The following UBE3D variants were observed in gnomAD, a reference collection of about 807,000 sequenced individuals.
UBE3D encodes E3 ubiquitin-protein ligase E3D.
In UBE3D, 48 loss-of-function variants were observed where a neutral mutation model predicts 49.6. The ratio of observed to expected loss-of-function variants is 0.97; its 90% CI spans 0.77 to 1.23. The LOEUF is 1.23. UBE3D is among the 50% of genes most tolerant of loss of function. The pLI is 0.00. For missense variants in UBE3D, 452 were observed against 468.4 expected, an observed-to-expected ratio of 0.96 and a Z score of 0.32; for synonymous variants, 189 against 174.2, an observed-to-expected ratio of 1.08 and a Z score of -0.67.
chr6:82,895,966 C>T (rs1389013271), intron 9 of UBE3D, among the ~76,000 whole-genome samples: 1 of 152,100 alleles, frequency 6.6e-6, no homozygotes, highest in Non-Finnish European at 1.5e-5. Context: ...GCAAAATGGA[C>T]CTTCCCAATG....
intron 9 of UBE3D, among the ~76,000 whole-genome samples, chr6:82,921,143 T>C (rs1773306176): frequency 6.6e-6 from 1 of 152,014 alleles, no homozygotes; most frequent in South Asian, 2.1e-4. Flanking sequence ...TTTAGTAGAC[T>C]GGGTTTTGGC....
At chr6:83,023,772 T>C (rs936891686) in intron 6 of UBE3D, among the ~76,000 whole-genome samples, 197 bp downstream of exon 6, 3 of 152,132 alleles carry the variant, frequency 2.0e-5, no homozygotes, top group Admixed American at 6.6e-5. Context: ...AGACTACACT[T>C]GAGTACAGTG....
intron 9 of UBE3D, among the ~76,000 whole-genome samples, chr6:82,941,885 T>C (rs1775042825): frequency 6.6e-6 from 1 of 152,168 alleles, no homozygotes; most frequent in Non-Finnish European, 1.5e-5. Context: ...GTTAATTAAA[T>C]CTCTTTATAA....
rs149037005 is a variant in UBE3D, at chr6:82,973,438, G to A, written c.1011-15988C>T. ...TCCTCCCCGAAGAGCACCTTGAGTT[G>A]AAGAGAAAAATGTTTGCTAAATTTT... On this transcript the variant is annotated intron_variant, in intron 8 of 9. Coordinates refer to ENST00000369747, the MANE Select transcript of UBE3D (RefSeq NM_198920.3). 1.2e-3 allele frequency among the ~76,000 whole-genome samples: 180 copies of A among 152,264 alleles called. 1 individual carries two copies. The highest frequency in any genetic ancestry group is 4.2e-3 in the African/African-American group (174 of 41,554).
At chr6:83,030,952 G>A (rs1050718773) in intron 5 of UBE3D, among the ~76,000 whole-genome samples, 4 of 152,172 alleles carry the variant, frequency 2.6e-5, no homozygotes, top group Admixed American at 6.5e-5. Context: ...CCCTGCCCTA[G>A]ATATCTGTGG....
Position 82,963,147 on chromosome 6 carries a change from A to ACTACAGGTAACTTTC in UBE3D, c.1011-5712_1011-5698dup, listed in dbSNP as rs531268993. ...AAATTAGTTGTTTAGGAGAGTAAGA[A>ACTACAGGTAACTTTC]CTACAGGTAACTTTCCCTTAAAACT... On this transcript the variant is annotated intron_variant, in intron 8 of 9. Coordinates refer to ENST00000369747, the MANE Select transcript of UBE3D (RefSeq NM_198920.3). Among the ~76,000 whole-genome samples the ACTACAGGTAACTTTC allele has an allele frequency of 2.1e-3, 321 of 152,190 alleles. 2 individuals carry two copies. Among genetic ancestry groups the ACTACAGGTAACTTTC allele is most frequent in the African/African-American group, 7.1e-3 (296 of 41,550 alleles).
At chr6:82,988,178 G>A (rs1026741180) in intron 8 of UBE3D, among the ~76,000 whole-genome samples, 1 of 152,140 alleles carries the variant, frequency 6.6e-6, no homozygotes, top group Non-Finnish European at 1.5e-5. Flanking sequence ...CCATATTTCA[G>A]ACACGTTTCT....
intron 6 of UBE3D, 53 bp downstream of exon 6, chr6:83,023,916 G>A (rs1781274028): frequency 1.6e-6 from 2 of 1,240,032 alleles, no homozygotes; most frequent in African/African-American, 3.1e-5. Flanking sequence ...ATAAAGGTCT[G>A]AATGGGGAAA....
At chr6:82,981,929 T>G (rs955311277) in intron 8 of UBE3D, among the ~76,000 whole-genome samples, 1 of 152,152 alleles carries the variant, frequency 6.6e-6, no homozygotes, top group South Asian at 2.1e-4. Flanking sequence ...GCTGCAGGAA[T>G]GTCATATTAA....
intron 8 of UBE3D, among the ~76,000 whole-genome samples, chr6:82,960,042 C>A (rs1462901362): frequency 6.6e-6 from 1 of 152,138 alleles, no homozygotes; most frequent in Non-Finnish European, 1.5e-5. Context: ...TTCAGTGTCT[C>A]TTCTGTATGC....
intron 9 of UBE3D, among the ~76,000 whole-genome samples, chr6:82,951,650 G>A (rs1425995813): frequency 6.6e-6 from 1 of 152,190 alleles, no homozygotes; most frequent in Non-Finnish European, 1.5e-5. Flanking sequence ...CAGAGTGGAT[G>A]AGTGCCAGTT....
intron 9 of UBE3D, among the ~76,000 whole-genome samples, chr6:82,944,662 T>C (rs1290074134): frequency 6.6e-6 from 1 of 152,230 alleles, no homozygotes; most frequent in Non-Finnish European, 1.5e-5. Flanking sequence ...GCAGGTTCTT[T>C]GGTCCCTGAG....
At position 82,893,848 on chromosome 6, in the gene UBE3D, C is replaced by T. The variant is rs756491367; in HGVS notation, c.1150-806G>A. ...TCAGGAAATTTTGTCCTTAAGTCCCCGAATGCAGTAAAAAGAGGTGTGTAT... is the reference window on the plus strand; with the variant it reads ...TCAGGAAATTTTGTCCTTAAGTCCCTGAATGCAGTAAAAAGAGGTGTGTAT... On this transcript the variant is annotated intron_variant, in intron 9 of 9. Coordinates refer to ENST00000369747, the MANE Select transcript of UBE3D (RefSeq NM_198920.3). 7 of 152,026 alleles carry T rather than the reference C, an allele frequency of 4.6e-5. No individual in the cohort carries two copies. The East Asian group carries it at 5.8e-4, about 13-fold the overall frequency. 9.4% of individuals were successfully genotyped at this position (152,026 alleles called of 1,614,324 possible). A position where few individuals can be genotyped will look rare whatever the true frequency, so the allele number is the denominator to read the frequency against.
At chr6:83,038,270 G>A in intron 5 of UBE3D, 146 bp downstream of exon 5, 1 of 620,820 alleles carries the variant, frequency 1.6e-6, no homozygotes, top group South Asian at 2.0e-5. Flanking sequence ...ATATTGGATG[G>A]TATGTTACTT....
chr6:83,041,705 A>C (rs1031609424), intron 4 of UBE3D, among the ~76,000 whole-genome samples: 1 of 152,238 alleles, frequency 6.6e-6, no homozygotes, highest in African/African-American at 2.4e-5. Context: ...AGACACACTT[A>C]TGGATTTAAC....
At chr6:83,043,216 TTC>T (rs1782794248) in intron 4 of UBE3D, among the ~76,000 whole-genome samples, 1 of 152,206 alleles carries the variant, frequency 6.6e-6, no homozygotes, top group African/African-American at 2.4e-5. Context: ...GAAACATGGT[TTC>T]TCTGATTCAA....
chr6:83,007,644 T>C (rs747979876), intron 8 of UBE3D, among the ~76,000 whole-genome samples: 6 of 152,224 alleles, frequency 3.9e-5, no homozygotes, highest in Admixed American at 6.5e-5. Flanking sequence ...GTGGATTATA[T>C]TTAATAGAAA....
chr6:82,969,761 A>G, intron 8 of UBE3D, among the ~76,000 whole-genome samples: 1 of 152,206 alleles, frequency 6.6e-6, no homozygotes, highest in East Asian at 1.9e-4. Flanking sequence ...CCCAAAATTT[A>G]TATTTTAATT....
chr6:83,022,335 A>G (rs2127774398), intron 7 of UBE3D, 118 bp downstream of exon 7: 1 of 708,462 alleles, frequency 1.4e-6, no homozygotes, highest in South Asian at 2.5e-5. Context: ...CCTGATATTA[A>G]CATTTTTAAT....
Sources: gnomAD v4.1 joint callset for allele counts (sites outside exome capture counted in the v4.1 genomes callset) on GRCh38, gnomAD v4.1.1 for gene constraint, MANE v1.5 for transcripts, NCBI Gene and HGNC (gene_info 2026-07-23, HGNC 2026-07-21) for gene names.